The following PDE10A variants were observed in gnomAD, a reference collection of about 807,000 sequenced individuals.
The protein encoded by PDE10A is phosphodiesterase 10A, also known as cAMP and cAMP-inhibited cGMP 3',5'-cyclic phosphodiesterase 10A.
Under a neutral mutation model 97.7 loss-of-function variants are expected in PDE10A, and 39 were observed. The ratio of observed to expected loss-of-function variants is 0.40; its 90% CI spans 0.31 to 0.52. The LOEUF (loss-of-function observed/expected upper bound fraction) is 0.52. Among genes scored for constraint, PDE10A ranks in the 20% least tolerant of loss-of-function variants. The probability of loss-of-function intolerance (pLI) is 0.56; values close to 1 mark genes in which losing one functional copy is unlikely to be tolerated. For synonymous variants in PDE10A, 371 were observed against 376.8 expected, an observed-to-expected ratio of 0.98 and a Z score of 0.18; for missense variants, 731 against 1,047.8, an observed-to-expected ratio of 0.70 and a Z score of 4.17.
chr6:165,543,704 G>C (rs549238915), intron 1 of PDE10A, 136 bp from the exon 2 acceptor site: 1 of 625,374 alleles, frequency 1.6e-6, no homozygotes, highest in South Asian at 2.6e-5. Context: ...AGAGCGGGAA[G>C]GGGAAGCTAC....
Position 165,662,073 on chromosome 6 carries a change from G to C in PDE10A, c.739C>G (p.Arg247Gly). The stretch of plus-strand genomic sequence containing the variant: ...AGGGCGAAGCTGGCGCCCTGGGGAC[G>C]CCGCGGAGTTTGGCCGCCGCCGCCT... ...GPGGGGQTPR[R>G]PQGASFALAA... Residue 247 changes from arginine to glycine, a missense_variant, in exon 1 of 22, where the codon CGT (arginine) becomes GGT (glycine). Physicochemically the swap from Arg to Gly is moderately radical, Grantham distance 125. Transcript: ENST00000539869. 7.4e-7 allele frequency: 1 copy of C among 1,353,428 alleles called. No individual in the cohort carries two copies. Among genetic ancestry groups the C allele is most frequent in the South Asian group, 1.6e-5 (1 of 61,426 alleles). 83.8% of individuals were successfully genotyped at this position (1,353,428 alleles called of 1,614,324 possible).
At chr6:165,718,799 A>G (rs924189020) in intron 1 of PDE10A, among the ~76,000 whole-genome samples, 1 of 152,242 alleles carries the variant, frequency 6.6e-6, no homozygotes, top group Non-Finnish European at 1.5e-5. Context: ...TACATAGGAA[A>G]GAATGGCTAA....
intron 2 of PDE10A, among the ~76,000 whole-genome samples, chr6:165,507,637 C>T (rs1781275708): frequency 6.6e-6 from 1 of 152,044 alleles, no homozygotes; most frequent in African/African-American, 2.4e-5. Context: ...ATCACATAAT[C>T]ACAGCTGAAT....
intron 18 of PDE10A, among the ~76,000 whole-genome samples, chr6:165,345,117 A>G (rs558826743): frequency 6.6e-6 from 1 of 152,348 alleles, no homozygotes; most frequent in African/African-American, 2.4e-5. Context: ...AAATAATTCA[A>G]TCTTATTAAT....
intron 1 of PDE10A, among the ~76,000 whole-genome samples, chr6:165,778,942 G>A (rs908430427): frequency 1.3e-5 from 2 of 152,002 alleles, no homozygotes; most frequent in African/African-American, 4.8e-5. Flanking sequence ...TTATTGGTGT[G>A]GCAAGTGTCT....
intron 1 of PDE10A, among the ~76,000 whole-genome samples, chr6:165,767,690 T>C (rs1777895465): frequency 6.6e-6 from 1 of 152,244 alleles, no homozygotes; most frequent in Non-Finnish European, 1.5e-5. Context: ...CATTATTTGA[T>C]AGACATTTGG....
chr6:165,579,663 G>A (rs1785503555), intron 1 of PDE10A, among the ~76,000 whole-genome samples: 1 of 151,992 alleles, frequency 6.6e-6, no homozygotes, highest in Non-Finnish European at 1.5e-5. Flanking sequence ...TCTCAATATA[G>A]CACCCTGTCA....
chr6:165,974,264 ACT>A (rs1158627371), intron 1 of PDE10A, among the ~76,000 whole-genome samples: 6 of 152,212 alleles, frequency 3.9e-5, no homozygotes, highest in Admixed American at 3.3e-4. Context: ...ACAAATAGTG[ACT>A]CCAACGACTG....
intron 1 of PDE10A, among the ~76,000 whole-genome samples, chr6:165,749,494 C>T (rs1232599727): frequency 1.3e-5 from 2 of 152,130 alleles, no homozygotes; most frequent in African/African-American, 2.4e-5. Context: ...TCATCACCAT[C>T]ACCACCATCA....
At chr6:165,519,502 G>C (rs766592649) in intron 2 of PDE10A, among the ~76,000 whole-genome samples, 21 of 151,786 alleles carry the variant, frequency 1.4e-4, no homozygotes, top group Non-Finnish European at 2.1e-4. Flanking sequence ...AAATGAGAAG[G>C]CTGAGCAGAG....
chr6:165,755,723 G>A (rs1449748499), intron 1 of PDE10A, among the ~76,000 whole-genome samples: 2 of 151,712 alleles, frequency 1.3e-5, no homozygotes, highest in Admixed American at 6.6e-5. Context: ...ATTTGGAAAA[G>A]CAGAGGAGGC....
intron 1 of PDE10A, among the ~76,000 whole-genome samples, chr6:165,958,591 G>T (rs138927265): frequency 1.3e-5 from 1 of 78,942 alleles, no homozygotes; most frequent in African/African-American, 5.0e-5. Context: ...GACAGAAAGA[G>T]AGAAAGAAAG....
intron 13 of PDE10A, among the ~76,000 whole-genome samples, chr6:165,400,725 G>C (rs1161744379): frequency 6.6e-6 from 1 of 152,156 alleles, no homozygotes; most frequent in Non-Finnish European, 1.5e-5. Flanking sequence ...CAAGCGAGAT[G>C]AAAGTCTATG....
intron 1 of PDE10A, among the ~76,000 whole-genome samples, chr6:165,791,117 A>T (rs9365922): frequency 0.52 from 78,067 of 151,326 alleles, 20,700 homozygotes; most frequent in Middle Eastern, 0.6. Context: ...GCTAATTTTT[A>T]AAAAATTTTT....
At chr6:165,614,267 C>T (rs997817108) in intron 1 of PDE10A, among the ~76,000 whole-genome samples, 1 of 152,192 alleles carries the variant, frequency 6.6e-6, no homozygotes, top group African/African-American at 2.4e-5. Flanking sequence ...CCATACTCAT[C>T]CTTAAAAATC....
At chr6:165,505,504 A>G (rs984531548) in intron 2 of PDE10A, among the ~76,000 whole-genome samples, 1 of 152,208 alleles carries the variant, frequency 6.6e-6, no homozygotes, top group African/African-American at 2.4e-5. Flanking sequence ...TATTACTAAT[A>G]TGATACTTTT....
At chr6:165,536,296 C>T (rs1783082046) in intron 2 of PDE10A, among the ~76,000 whole-genome samples, 1 of 151,860 alleles carries the variant, frequency 6.6e-6, no homozygotes, top group Non-Finnish European at 1.5e-5. Context: ...CTATCTCTCA[C>T]CTTATACATA....
intron 1 of PDE10A, among the ~76,000 whole-genome samples, chr6:165,930,819 G>A (rs1378538825): frequency 1.3e-5 from 2 of 152,234 alleles, no homozygotes; most frequent in East Asian, 3.8e-4. Context: ...CTGCGGGGAA[G>A]GCTCCCGGCT....
intron 1 of PDE10A, among the ~76,000 whole-genome samples, chr6:165,787,814 A>G (rs888415045): frequency 2.6e-5 from 4 of 152,228 alleles, no homozygotes; most frequent in Admixed American, 2.6e-4. Flanking sequence ...TGCGAAGTCA[A>G]TCTGGAACAT....
Sources: allele counts gnomAD v4.1 joint callset (sites outside exome capture counted in the v4.1 genomes callset), GRCh38; gene constraint gnomAD v4.1.1; transcripts MANE v1.5; gene names NCBI Gene and HGNC (gene_info 2026-07-23, HGNC 2026-07-21).